The following CPQ variants were observed in gnomAD, a reference collection of about 807,000 sequenced individuals.
The protein encoded by CPQ is Ser-Met dipeptidase.
Under a neutral mutation model 45.7 loss-of-function variants are expected in CPQ, and 37 were observed. The observed-to-expected ratio is 0.81, with a 90% CI of 0.62 to 1.07. The LOEUF is 1.07. CPQ is among the 50% of genes least tolerant of loss of function. CPQ has a pLI of 0.00. For synonymous variants in CPQ, 186 were observed against 205.8 expected, an observed-to-expected ratio of 0.90 and a Z score of 0.82; for missense variants, 537 against 572.9, an observed-to-expected ratio of 0.94 and a Z score of 0.64.
intron 4 of CPQ, among the ~76,000 whole-genome samples, chr8:96,957,857 A>C (rs908375894): frequency 6.7e-6 from 1 of 150,232 alleles, no homozygotes; most frequent in Non-Finnish European, 1.5e-5. Flanking sequence ...TTTTGGAGAC[A>C]GGATCTGGCT....
At chr8:97,045,407 A>C (rs564757997) in intron 6 of CPQ, among the ~76,000 whole-genome samples, 31 of 152,288 alleles carry the variant, frequency 2.0e-4, no homozygotes, top group African/African-American at 7.2e-4. Context: ...TTCTTTGACT[A>C]GGAAAGGGAA....
chr8:96,824,594 A>C (rs951337294), intron 2 of CPQ, among the ~76,000 whole-genome samples: 1 of 152,038 alleles, frequency 6.6e-6, no homozygotes, highest in Non-Finnish European at 1.5e-5. Context: ...TAGATAGAAT[A>C]GTGGTTTTAA....
chr8:97,105,765 C>A (rs933914044), intron 7 of CPQ, among the ~76,000 whole-genome samples: 1 of 152,148 alleles, frequency 6.6e-6, no homozygotes, highest in African/African-American at 2.4e-5. Flanking sequence ...TTATCATAAG[C>A]CTGATTTCAT....
intron 3 of CPQ, among the ~76,000 whole-genome samples, chr8:96,840,877 A>G (rs1360738896): frequency 6.6e-6 from 1 of 152,210 alleles, no homozygotes; most frequent in South Asian, 2.1e-4. Flanking sequence ...TAAGTTTCAA[A>G]TAACAATAAG....
chr8:97,012,531 A>G (rs1809506700), intron 5 of CPQ, among the ~76,000 whole-genome samples: 1 of 152,184 alleles, frequency 6.6e-6, no homozygotes, highest in Non-Finnish European at 1.5e-5. Context: ...ATAACTCTGC[A>G]TGGATTTGGT....
chr8:97,001,837 A>G (rs1218267141), intron 5 of CPQ, among the ~76,000 whole-genome samples: 1 of 149,706 alleles, frequency 6.7e-6, no homozygotes, highest in African/African-American at 2.5e-5. Flanking sequence ...TAGCTCCAGT[A>G]AGAATGGTAC....
intron 2 of CPQ, among the ~76,000 whole-genome samples, chr8:96,792,569 G>C (rs1348438834): frequency 6.6e-6 from 1 of 152,130 alleles, no homozygotes; most frequent in Non-Finnish European, 1.5e-5. Flanking sequence ...GCCATATTAT[G>C]TTATGTTTTA....
At chr8:96,953,771 T>C (rs1448306190) in intron 4 of CPQ, among the ~76,000 whole-genome samples, 1 of 152,148 alleles carries the variant, frequency 6.6e-6, no homozygotes, top group Non-Finnish European at 1.5e-5. Context: ...CTCAATATGC[T>C]TGTGGCCACC....
intron 7 of CPQ, among the ~76,000 whole-genome samples, chr8:97,127,156 AT>A (rs1221121211): frequency 6.6e-6 from 1 of 152,222 alleles, no homozygotes; most frequent in African/African-American, 2.4e-5. Context: ...AAAGAAATTG[AT>A]AAGTTGGACA....
At chr8:96,850,800 G>C (rs1225854062) in intron 3 of CPQ, among the ~76,000 whole-genome samples, 1 of 151,882 alleles carries the variant, frequency 6.6e-6, no homozygotes, top group Non-Finnish European at 1.5e-5. Flanking sequence ...GTAGAGACAG[G>C]GTTGCTCCAA....
intron 3 of CPQ, among the ~76,000 whole-genome samples, chr8:96,875,571 GTC>G (rs1345064396): frequency 1.3e-5 from 2 of 151,908 alleles, no homozygotes; most frequent in Admixed American, 1.3e-4. Context: ...TTGTTGAACT[GTC>G]TGGGTATCTT....
chr8:96,682,905 T>C (rs1393986047), intron 1 of CPQ, among the ~76,000 whole-genome samples: 1 of 152,224 alleles, frequency 6.6e-6, no homozygotes, highest in African/African-American at 2.4e-5. Context: ...AGCTTGATTA[T>C]ATCTTTTAAG....
intron 5 of CPQ, among the ~76,000 whole-genome samples, chr8:96,984,679 ATTTG>A (rs1485379634): frequency 6.6e-6 from 1 of 152,186 alleles, no homozygotes; most frequent in Non-Finnish European, 1.5e-5. Context: ...CTAAGACATT[ATTTG>A]TTTGGCTTTG....
At chr8:96,965,367 CTTTTCT>C (rs1813537114) in intron 4 of CPQ, among the ~76,000 whole-genome samples, 1 of 117,628 alleles carries the variant, frequency 8.5e-6, no homozygotes, top group African/African-American at 3.1e-5. Context: ...AAGCCAATTT[CTTTTCT>C]TTTTTTTTTT....
At chr8:96,914,687 G>A (rs1038163448) in intron 4 of CPQ, among the ~76,000 whole-genome samples, 23 of 152,112 alleles carry the variant, frequency 1.5e-4, no homozygotes, top group East Asian at 9.6e-4. Context: ...GACTTTGTTC[G>A]GAATTCCACT....
intron 1 of CPQ, among the ~76,000 whole-genome samples, chr8:96,762,315 G>T (rs1381623754): frequency 1.3e-5 from 2 of 152,148 alleles, no homozygotes; most frequent in Non-Finnish European, 2.9e-5. Flanking sequence ...ACTGGGTCCA[G>T]ATTGAAGTTA....
intron 5 of CPQ, among the ~76,000 whole-genome samples, chr8:96,983,383 T>C (rs1159282130): frequency 1.3e-5 from 2 of 152,192 alleles, no homozygotes; most frequent in South Asian, 2.1e-4. Context: ...GTTTCCAAAA[T>C]AGAGAGTTAT....
At chr8:96,863,711 C>T (rs2130869006) in intron 3 of CPQ, among the ~76,000 whole-genome samples, 1 of 152,172 alleles carries the variant, frequency 6.6e-6, no homozygotes, top group South Asian at 2.1e-4. Flanking sequence ...GCATTGTTTT[C>T]CGCTTTTAAT....
rs144390960 is a variant in CPQ at position 97,143,248 on chromosome 8, A to G, written c.*65A>G. The stretch of plus-strand genomic sequence containing the variant: ...AATCCTGGGTCTGCAACTTTGGAAA[A>G]CTCCTCTTCACATAACAATTTCATC... On this transcript the variant is annotated 3_prime_UTR_variant, in exon 8 of 8. Transcript: ENST00000220763. 1.2e-4 allele frequency: 173 copies of G among 1,452,314 alleles called. No homozygotes were observed. In the East Asian group the frequency reaches 3.6e-3, roughly 30 times the overall value. 90.0% of individuals were successfully genotyped at this position (1,452,314 alleles called of 1,614,324 possible).
Sources: allele counts gnomAD v4.1 joint callset (sites outside exome capture counted in the v4.1 genomes callset), GRCh38; gene constraint gnomAD v4.1.1; transcripts MANE v1.5; gene names NCBI Gene and HGNC (gene_info 2026-07-23, HGNC 2026-07-21).